The following MMEL1 variants were observed in gnomAD, a reference collection of about 807,000 sequenced individuals.
MMEL1 encodes membrane metalloendopeptidase like 1, also known as membrane metallo-endopeptidase-like 1.
A neutral mutation model predicts 117.1 loss-of-function variants in MMEL1; 98 were observed. That is an observed-to-expected ratio of 0.84 (90% CI 0.71 to 0.99). The LOEUF (loss-of-function observed/expected upper bound fraction) is 0.99. Among genes scored for constraint, MMEL1 ranks in the 50% least tolerant of loss-of-function variants. The probability of loss-of-function intolerance (pLI) is 0.00; values close to 1 mark genes in which losing one functional copy is unlikely to be tolerated. For synonymous variants in MMEL1, 390 were observed against 415.1 expected, an observed-to-expected ratio of 0.94 and a Z score of 0.74; for missense variants, 1,014 against 1,049.1, an observed-to-expected ratio of 0.97 and a Z score of 0.46.
chr1:2,623,709 A>G (rs1177620892), intron 2 of MMEL1, among the ~76,000 whole-genome samples: 1 of 152,212 alleles, frequency 6.6e-6, no homozygotes, highest in Non-Finnish European at 1.5e-5. Flanking sequence ...CCAGATGCCG[A>G]TGAGAAAGGC....
chr1:2,609,199 T>C (rs1019014644), intron 6 of MMEL1, 140 bp downstream of exon 6: 3 of 793,736 alleles, frequency 3.8e-6, no homozygotes, highest in African/African-American at 1.7e-5. Flanking sequence ...ACACAGCACA[T>C]AGACCCTCTG....
At chr1:2,605,645 C>T in intron 8 of MMEL1, 22 bp from the exon 9 acceptor site, 2 of 1,606,954 alleles carry the variant, frequency 1.2e-6, no homozygotes, top group East Asian at 2.2e-5. Flanking sequence ...GAAGGTGTGA[C>T]CCTGGGCAAG....
intron 2 of MMEL1, among the ~76,000 whole-genome samples, chr1:2,619,762 G>C (rs1296658312): frequency 2.0e-5 from 3 of 151,532 alleles, no homozygotes; most frequent in African/African-American, 7.3e-5. Flanking sequence ...TAGTTGTTGA[G>C]ATTTATAAAA....
At chr1:2,610,367 A>C (rs1372738536) in intron 4 of MMEL1, among the ~76,000 whole-genome samples, 1 of 152,128 alleles carries the variant, frequency 6.6e-6, no homozygotes, top group Non-Finnish European at 1.5e-5. Flanking sequence ...CTTGAACCCC[A>C]AACCCTCCGA....
Position 2,596,554 on chromosome 1 carries a change from C to A in MMEL1, c.1401+7G>T, listed in dbSNP as rs907705191. On this transcript the variant is annotated splice_region_variant and intron_variant, in intron 14 of 23. Coordinates refer to ENST00000378412, the MANE Select transcript of MMEL1 (RefSeq NM_033467.4). ...CCCCGCGTGGGCCATGGATGAGGGGCGCCCACCATGCTCTTGCTGTCTCCA... is the reference window on the plus strand; with the variant it reads ...CCCCGCGTGGGCCATGGATGAGGGGAGCCCACCATGCTCTTGCTGTCTCCA... 1.2e-6 allele frequency: 2 copies of A among 1,607,502 alleles called. No homozygotes were observed. The highest frequency in any genetic ancestry group is 3.3e-5 in the Admixed American group (2 of 59,984).
intron 11 of MMEL1, among the ~76,000 whole-genome samples, chr1:2,599,965 C>CTTT (rs201498454): frequency 6.6e-6 from 1 of 151,874 alleles, no homozygotes; most frequent in Non-Finnish European, 1.5e-5. Flanking sequence ...GCAAACATAA[C>CTTT]TTTTTTTTAA....
chr1:2,618,397 C>A (rs1280661614), intron 2 of MMEL1, among the ~76,000 whole-genome samples: 1 of 152,242 alleles, frequency 6.6e-6, no homozygotes, highest in Admixed American at 6.5e-5. Flanking sequence ...AAATCCACCT[C>A]TTTTCTCTAT....
Position 2,603,909 on chromosome 1 carries a change from T to C in MMEL1, c.1016A>G (p.Glu339Gly). 2 of 1,613,774 alleles carry C rather than the reference T, an allele frequency of 1.2e-6. No individual in the cohort carries two copies. Among genetic ancestry groups the C allele is most frequent in the East Asian group, 2.2e-5 (1 of 44,868 alleles). The stretch of plus-strand genomic sequence containing the variant: ...CTTCAGGCCAAACTGGCTTTGCAGC[T>C]CCTCCAGTCCCATCCGGTGGTACAA... ...IALYHRMGLE[E>G]LQSQFGLKGF... The change falls in exon 11 of 24, where the codon GAG becomes GGG. Residue 339 changes from glutamate to glycine, a missense_variant. By Grantham distance (98) the Glu-to-Gly change is moderately conservative. Transcript: ENST00000378412.
Position 2,612,982 on chromosome 1 carries a change from C to CAGGCCTGGAACCTGGCCT in MMEL1, c.155-796_155-779dup, listed in dbSNP as rs1428432559. 3.3e-5 allele frequency among the ~76,000 whole-genome samples: 5 copies of CAGGCCTGGAACCTGGCCT among 152,206 alleles called. No individual in the cohort carries two copies. The highest frequency in any genetic ancestry group is 9.6e-5 in the African/African-American group (4 of 41,456). On this transcript the variant is annotated intron_variant, in intron 2 of 23. Coordinates refer to ENST00000378412, the MANE Select transcript of MMEL1 (RefSeq NM_033467.4). The surrounding 1 kb of genome is among the most constrained non-coding windows in gnomAD (Gnocchi z 5.4). ...GGCTCGTTCAGGTCAGGGCTGTTGG[C>CAGGCCTGGAACCTGGCCT]AGGCCTGGAACCTGGCCTAGCCCTG...
intron 2 of MMEL1, among the ~76,000 whole-genome samples, chr1:2,623,653 T>G (rs1570711834): frequency 6.6e-6 from 1 of 152,194 alleles, no homozygotes; most frequent in African/African-American, 2.4e-5. Flanking sequence ...GGAGCCCCCA[T>G]CACGAAGAGG....
rs887164452 is a variant in MMEL1, at chr1:2,595,201, C to G, written c.1584+75G>C. The G allele has an allele frequency of 1.5e-6, 2 of 1,378,740 alleles. No individual in the cohort carries two copies. Among genetic ancestry groups the G allele is most frequent in the South Asian group, 2.5e-5 (2 of 80,526 alleles). 85.4% of individuals were successfully genotyped at this position (1,378,740 alleles called of 1,614,324 possible). On this transcript the variant is annotated intron_variant, in intron 16 of 23. Transcript: ENST00000378412. This position sits in a 1 kb window ranked among gnomAD's most constrained non-coding sequence, Gnocchi z 4.8. ...TGGGAGGAGGGCACAGAGCTTGGCA[C>G]AGAGGAGCCCCCAGGCAATCAGGGC... is the stretch of plus-strand genomic sequence containing the variant.
chr1:2,599,965 CT>C (rs201498454), intron 11 of MMEL1, among the ~76,000 whole-genome samples: 1 of 151,874 alleles, frequency 6.6e-6, no homozygotes, highest in African/African-American at 2.4e-5. Context: ...GCAAACATAA[CT>C]TTTTTTTAAA....
At chr1:2,602,484 A>T (rs1190199359) in intron 11 of MMEL1, among the ~76,000 whole-genome samples, 1 of 151,942 alleles carries the variant, frequency 6.6e-6, no homozygotes, top group East Asian at 1.9e-4. Context: ...CCACTTCCAA[A>T]ATCAACCCCA....
At position 2,612,059 on chromosome 1, in the gene MMEL1, G is replaced by A. The variant is rs1645138346; in HGVS notation, c.232+68C>T. ...AACCCAGCCCCTGCCCCTCCACGGAGTCCCCCCACCTTGGGAGGCCAGCGC... is the reference window on the plus strand; with the variant it reads ...AACCCAGCCCCTGCCCCTCCACGGAATCCCCCCACCTTGGGAGGCCAGCGC... On this transcript the variant is annotated intron_variant, in intron 3 of 23. Transcript: ENST00000378412. This position sits in a 1 kb window ranked among gnomAD's most constrained non-coding sequence, Gnocchi z 5.4. 6.6e-6 allele frequency: 9 copies of A among 1,353,876 alleles called. No homozygotes were observed. The highest frequency in any genetic ancestry group is 5.8e-5 in the African/African-American group (4 of 69,372). The allele number at this position is 1,353,876 out of a possible 1,614,324, so 83.9% of individuals were successfully genotyped here. A position where few individuals can be genotyped will look rare whatever the true frequency, so the allele number is the denominator to read the frequency against.
chr1:2,607,003 A>G lies in MMEL1; in HGVS notation c.602T>C (p.Val201Ala), dbSNP rs755302262. ...DILEVVGGWP[V>A]AMDRWNETVG... The stretch of plus-strand genomic sequence containing the variant: ...GGTCTCGTTCCACCTGTCCATCGCC[A>G]CCGGCCAGCCTCCCACCACCTCCAA... Residue 201 changes from valine (V) to alanine (A), a missense_variant, in exon 7 of 24, where the codon GTG becomes GCG. Coordinates refer to ENST00000378412, the MANE Select transcript of MMEL1 (RefSeq NM_033467.4). 6.2e-7 allele frequency: 1 copy of G among 1,613,328 alleles called. No individual in the cohort carries two copies. Among genetic ancestry groups the G allele is most frequent in the South Asian group, 1.1e-5 (1 of 91,088 alleles).
chr1:2,609,823 T>A lies in MMEL1; in HGVS notation c.301A>T (p.Ile101Phe), dbSNP rs149147326. 1.2e-6 allele frequency: 2 copies of A among 1,607,756 alleles called. No homozygotes were observed. The highest frequency in any genetic ancestry group is 2.7e-5 in the African/African-American group (2 of 74,862). The change falls in exon 5 of 24, where the codon ATC (isoleucine) becomes TTC (phenylalanine). Residue 101 changes from isoleucine to phenylalanine, a missense_variant. Ile to Phe is a conservative substitution (Grantham distance 21, BLOSUM62 0). Coordinates refer to ENST00000378412, the MANE Select transcript of MMEL1 (RefSeq NM_033467.4). ...TPGCVIAAARILQNMDPTTEP... is the reference protein window; with the variant it reads ...TPGCVIAAARFLQNMDPTTEP... ...GTGGTCGGGTCCATGTTCTGGAGGA[T>A]CCTGGCAGCTGCTCGTCCCCATGGC...
intron 2 of MMEL1, among the ~76,000 whole-genome samples, chr1:2,627,517 T>A (rs1638331601): frequency 6.6e-6 from 1 of 152,172 alleles, no homozygotes; most frequent in African/African-American, 2.4e-5. Context: ...CAGGGCTTAT[T>A]TATAAAATCG....
intron 2 of MMEL1, among the ~76,000 whole-genome samples, chr1:2,619,401 T>C (rs1645254937): frequency 6.6e-6 from 1 of 152,214 alleles, no homozygotes; most frequent in Non-Finnish European, 1.5e-5. Flanking sequence ...CTCATGCCTG[T>C]AATCCTAGCA....
intron 1 of MMEL1, among the ~76,000 whole-genome samples, chr1:2,631,345 G>A (rs577151073): frequency 1.4e-3 from 219 of 152,252 alleles, no homozygotes; most frequent in Non-Finnish European, 2.6e-3. Context: ...GGGACTGGCT[G>A]CTGAGACTGC....
Sources: gnomAD v4.1 joint callset for allele counts (sites outside exome capture counted in the v4.1 genomes callset) on GRCh38, gnomAD v4.1.1 for gene constraint, Gnocchi (gnomAD v3.1) non-coding constraint, MANE v1.5 for transcripts, NCBI Gene and HGNC (gene_info 2026-07-23, HGNC 2026-07-21) for gene names.